The following NKAIN3 variants were observed in gnomAD, a reference collection of about 807,000 sequenced individuals.
NKAIN3 encodes the protein sodium/potassium transporting ATPase interacting 3.
In NKAIN3, 25 loss-of-function variants were observed where a neutral mutation model predicts 30.2. The ratio of observed to expected loss-of-function variants is 0.83; its 90% confidence interval spans 0.60 to 1.16. The LOEUF (loss-of-function observed/expected upper bound fraction) is 1.16, where lower values mean the gene tolerates loss of function less well. Ranked by LOEUF, NKAIN3 falls within the 50% of genes most tolerant of loss-of-function variation. NKAIN3 has a pLI of 0.00. For missense variants in NKAIN3, 225 were observed against 254.1 expected (o/e 0.89, Z 0.78); for synonymous variants, 91 against 89.6 (o/e 1.02, Z -0.09).
intron 5 of NKAIN3, among the ~76,000 whole-genome samples, chr8:62,993,690 T>G (rs770046647): frequency 8.5e-5 from 13 of 152,142 alleles, no homozygotes; most frequent in Non-Finnish European, 1.9e-4. Context: ...GGGCCTGATG[T>G]TGGGGTTGGA....
At chr8:62,826,209 A>G (rs1218414252) in intron 4 of NKAIN3, among the ~76,000 whole-genome samples, 1 of 152,164 alleles carries the variant, frequency 6.6e-6, no homozygotes, top group East Asian at 1.9e-4. Context: ...AAATACCATG[A>G]AGGCAATTTG....
At chr8:62,997,111 G>A (rs1271799299) in intron 5 of NKAIN3, among the ~76,000 whole-genome samples, 1 of 152,164 alleles carries the variant, frequency 6.6e-6, no homozygotes, top group African/African-American at 2.4e-5. Flanking sequence ...GGTTCTCCCT[G>A]AGGCTGTCTT....
At chr8:62,585,599 C>T (rs1487009958) in intron 2 of NKAIN3, among the ~76,000 whole-genome samples, 2 of 152,048 alleles carry the variant, frequency 1.3e-5, no homozygotes, top group Non-Finnish European at 2.9e-5. Flanking sequence ...CATAAGTAGC[C>T]GCAGCCTAGA....
chr8:62,582,104 C>T (rs1188768703), intron 2 of NKAIN3, among the ~76,000 whole-genome samples: 6 of 141,726 alleles, frequency 4.2e-5, no homozygotes, highest in Non-Finnish European at 7.6e-5. Flanking sequence ...TCTGTCTTTC[C>T]TTCCTTCTTT....
chr8:62,313,717 T>A (rs1303323774), intron 1 of NKAIN3, among the ~76,000 whole-genome samples: 1 of 152,028 alleles, frequency 6.6e-6, no homozygotes, highest in Non-Finnish European at 1.5e-5. Context: ...CATATAAGAG[T>A]CCTTTCAAAA....
At chr8:62,305,346 A>C (rs1454849075) in intron 1 of NKAIN3, among the ~76,000 whole-genome samples, 1 of 150,428 alleles carries the variant, frequency 6.6e-6, no homozygotes, top group Non-Finnish European at 1.5e-5. Flanking sequence ...ATCGAATTTG[A>C]GTTAGGGAAT....
chr8:62,433,291 TGTG>T (rs1402982876), intron 1 of NKAIN3, among the ~76,000 whole-genome samples: 3 of 152,098 alleles, frequency 2.0e-5, no homozygotes, highest in Non-Finnish European at 4.4e-5. Flanking sequence ...TTATCAATCT[TGTG>T]GTGGTAGGTG....
chr8:62,624,822 A>G (rs1811744049), intron 3 of NKAIN3, among the ~76,000 whole-genome samples: 1 of 142,868 alleles, frequency 7.0e-6, no homozygotes, highest in Non-Finnish European at 1.5e-5. Context: ...CTTGCTTCTC[A>G]GTTTTGGAAG....
chr8:62,906,266 A>T (rs1821773382), intron 4 of NKAIN3, among the ~76,000 whole-genome samples: 1 of 152,242 alleles, frequency 6.6e-6, no homozygotes, highest in Non-Finnish European at 1.5e-5. Context: ...AAAGTTTCTG[A>T]CATTAAGTAG....
intron 4 of NKAIN3, among the ~76,000 whole-genome samples, chr8:62,843,307 A>AT (rs933598834): frequency 1.3e-5 from 2 of 149,072 alleles, no homozygotes; most frequent in African/African-American, 5.0e-5. Flanking sequence ...TCTTTTTTTA[A>AT]TTAATTAATT....
intron 3 of NKAIN3, among the ~76,000 whole-genome samples, chr8:62,625,728 G>A (rs1350030701): frequency 6.6e-6 from 1 of 152,044 alleles, no homozygotes; most frequent in African/African-American, 2.4e-5. Flanking sequence ...GGAGACAGGT[G>A]GCAAAGGAGT....
At chr8:62,991,887 A>T (rs925979807) in intron 5 of NKAIN3, among the ~76,000 whole-genome samples, 1 of 152,198 alleles carries the variant, frequency 6.6e-6, no homozygotes, top group Non-Finnish European at 1.5e-5. Context: ...CTTGAGTTGC[A>T]GGCATTGGTA....
intron 4 of NKAIN3, chr8:62,856,970 A>C: frequency 3.7e-6 from 2 of 542,160 alleles, no homozygotes; most frequent in South Asian, 1.6e-5. Context: ...ACAAAAAAAA[A>C]ACAAACTATC....
At chr8:62,792,336 A>G (rs979431473) in intron 4 of NKAIN3, among the ~76,000 whole-genome samples, 1 of 152,176 alleles carries the variant, frequency 6.6e-6, no homozygotes, top group East Asian at 1.9e-4. Context: ...TCTCTATCAG[A>G]GAGTCCATTC....
At chr8:62,936,627 A>G (rs1822796839) in intron 5 of NKAIN3, among the ~76,000 whole-genome samples, 1 of 152,204 alleles carries the variant, frequency 6.6e-6, no homozygotes, top group Non-Finnish European at 1.5e-5. Context: ...CATGGAATCT[A>G]AATGCTATAG....
chr8:62,731,766 G>T (rs1379353032), intron 3 of NKAIN3, among the ~76,000 whole-genome samples: 2 of 152,144 alleles, frequency 1.3e-5, no homozygotes, highest in South Asian at 2.1e-4. Context: ...TCCACTGAAG[G>T]TCAGATCAAG....
At chr8:62,520,595 AAAGCAGATTCAC>A (rs1808124353) in intron 1 of NKAIN3, among the ~76,000 whole-genome samples, 1 of 152,146 alleles carries the variant, frequency 6.6e-6, no homozygotes, top group South Asian at 2.1e-4. Flanking sequence ...TTAATTTGAA[AAAGCAGATTCAC>A]AAGCTCAAGT....
chr8:62,588,471 T>C (rs930013901), intron 2 of NKAIN3, among the ~76,000 whole-genome samples: 8 of 151,768 alleles, frequency 5.3e-5, no homozygotes, highest in African/African-American at 1.9e-4. Flanking sequence ...GAACATTAAA[T>C]GTAACCAGTT....
At chr8:62,347,596 A>G (rs1484807821) in intron 1 of NKAIN3, among the ~76,000 whole-genome samples, 1 of 152,118 alleles carries the variant, frequency 6.6e-6, no homozygotes, top group African/African-American at 2.4e-5. Context: ...AAAACACATA[A>G]AATATCAAAG....
Sources: allele counts gnomAD v4.1 joint callset (sites outside exome capture counted in the v4.1 genomes callset), GRCh38; gene constraint gnomAD v4.1.1; transcripts MANE v1.5; gene names NCBI Gene and HGNC (gene_info 2026-07-23, HGNC 2026-07-21).